The following ZDHHC24 variants were observed in gnomAD, a reference collection of about 807,000 sequenced individuals.
The protein encoded by ZDHHC24 is probable palmitoyltransferase ZDHHC24.
In ZDHHC24, 17 loss-of-function variants were observed where a neutral mutation model predicts 23.2. That is an observed-to-expected ratio of 0.73 (90% CI 0.50 to 1.10). The LOEUF is 1.10. ZDHHC24 is among the 50% of genes least tolerant of loss of function. ZDHHC24 has a pLI of 0.00. For missense variants in ZDHHC24, 366 were observed against 393.0 expected (o/e 0.93, Z 0.58); for synonymous variants, 186 against 194.5 (o/e 0.96, Z 0.36).
Position 66,543,751 on chromosome 11 carries a change from A to G in ZDHHC24, c.512T>C (p.Leu171Pro). The G allele has an allele frequency of 6.2e-7, 1 of 1,605,488 alleles. No individual in the cohort carries two copies. Among genetic ancestry groups the G allele is most frequent in the Non-Finnish European group, 8.5e-7 (1 of 1,176,162 alleles). Residue 171 changes from leucine to proline, a missense_variant, in exon 2 of 3, where the codon CTC becomes CCC. By Grantham distance (98) the Leu-to-Pro change is moderately conservative. Coordinates refer to ENST00000310442, the MANE Select transcript of ZDHHC24 (RefSeq NM_207340.3). Reference protein sequence around the residue: ...LSALLRAHTPLHMAALLLLPW... With the variant: ...LSALLRAHTPPHMAALLLLPW... ...AAGCAGGAGGAGGGCAGCCATGTGG[A>G]GGGGCGTGTGGGCTCGCAGCAGGGC...
At chr11:66,529,574 G>A in intron 2 of ZDHHC24, 3 of 697,110 alleles carry the variant, frequency 4.3e-6, no homozygotes, top group South Asian at 3.2e-5. Context: ...AGAGAAGCCA[G>A]TGAAGGAGCT....
chr11:66,532,601 C>T (rs1856832694), downstream of ZDHHC24: 2 of 155,706 alleles, frequency 1.3e-5, no homozygotes, highest in Admixed American at 6.2e-5. Flanking sequence ...AATAGCCCTC[C>T]TCTCCCCAGG....
chr11:66,531,867 C>G, downstream of ZDHHC24: 1 of 1,591,918 alleles, frequency 6.3e-7, no homozygotes, highest in East Asian at 2.3e-5. Context: ...CAGTGGAGCC[C>G]TGTGGCCTGT....
At chr11:66,534,348 C>G (rs909239432), downstream of ZDHHC24, among the ~76,000 whole-genome samples, 2 of 146,498 alleles carry the variant, frequency 1.4e-5, no homozygotes, top group African/African-American at 5.0e-5. Context: ...AAGGCTGAGG[C>G]AGGAGAATTG....
chr11:66,527,075 C>G (rs745970146), intron 3 of ZDHHC24: 1 of 1,494,058 alleles, frequency 6.7e-7, no homozygotes, highest in Non-Finnish European at 9.0e-7. Context: ...CAGGAATTCT[C>G]ATGAGGAAAG....
intron 4 of ZDHHC24, chr11:66,523,325 A>G: frequency 1.5e-6 from 2 of 1,307,384 alleles, no homozygotes; most frequent in Non-Finnish European, 2.2e-6. Context: ...AAGTGGAAAT[A>G]ATCCCAGGGT....
downstream of ZDHHC24, among the ~76,000 whole-genome samples, chr11:66,534,185 G>A (rs1390689661): frequency 5.4e-5 from 8 of 147,206 alleles, no homozygotes; most frequent in Middle Eastern, 7.1e-3. Flanking sequence ...TAGCTCACAC[G>A]TGTAATCCCA....
intron 3 of ZDHHC24, among the ~76,000 whole-genome samples, chr11:66,528,645 A>G (rs1422497302): frequency 1.3e-5 from 2 of 152,134 alleles, no homozygotes; most frequent in Non-Finnish European, 2.9e-5. Flanking sequence ...AAAACACACA[A>G]TCAGGACAAC....
At chr11:66,524,796 T>C (rs1424778155) in intron 4 of ZDHHC24, among the ~76,000 whole-genome samples, 1 of 152,020 alleles carries the variant, frequency 6.6e-6, no homozygotes, top group African/African-American at 2.4e-5. Context: ...GCCAGGCACA[T>C]TGGCTCACAC....
intron 2 of ZDHHC24, among the ~76,000 whole-genome samples, chr11:66,543,155 A>G (rs1005756930): frequency 2.0e-5 from 3 of 152,182 alleles, no homozygotes; most frequent in Admixed American, 6.5e-5. Context: ...GAAGAGGAAC[A>G]TATGTGTCGT....
intron 1 of ZDHHC24, among the ~76,000 whole-genome samples, chr11:66,544,746 G>A (rs1232009483): frequency 2.6e-5 from 4 of 152,222 alleles, no homozygotes; most frequent in East Asian, 1.9e-4. Flanking sequence ...ACAGAGTCTC[G>A]CTACATTACC....
chr11:66,545,751 C>T lies in ZDHHC24; in HGVS notation c.253G>A (p.Ala85Thr). The T allele has an allele frequency of 6.3e-7, 1 of 1,586,598 alleles. No homozygotes were observed. Among genetic ancestry groups the T allele is most frequent in the Non-Finnish European group, 8.5e-7 (1 of 1,171,890 alleles). ...CAGCCCTGGCCCAGACCGCGGCCGG[C>T]CAGCATCACGCCACGGATGCTGGGA... Reference protein sequence around the residue: ...SDPSIRGVMLAGRGLGQGWAY... With the variant: ...SDPSIRGVMLTGRGLGQGWAY... The change falls in exon 1 of 3, where the codon GCC becomes ACC. Residue 85 changes from alanine to threonine, a missense_variant. Physicochemically the swap from Ala to Thr is moderately conservative, Grantham distance 58. Transcript: ENST00000310442. This position sits in a 1 kb window ranked among gnomAD's most constrained non-coding sequence, Gnocchi z 4.5.
chr11:66,535,212 T>A (rs72923032), downstream of ZDHHC24, among the ~76,000 whole-genome samples: 2,995 of 151,808 alleles, frequency 0.02, 41 homozygotes, highest in South Asian at 0.031. Flanking sequence ...CTTTTGTTTT[T>A]GTTTTAGTTT....
intron 1 of ZDHHC24, among the ~76,000 whole-genome samples, chr11:66,544,727 T>A (rs912674874): frequency 3.3e-5 from 5 of 152,152 alleles, no homozygotes; most frequent in East Asian, 1.9e-4. Flanking sequence ...TTAAAAAAAA[T>A]TTTTAGGGAC....
At chr11:66,544,632 G>A (rs1247569210) in intron 1 of ZDHHC24, among the ~76,000 whole-genome samples, 1 of 151,932 alleles carries the variant, frequency 6.6e-6, no homozygotes, top group Non-Finnish European at 1.5e-5. Flanking sequence ...CGCCCCCCAC[G>A]CCCTCCAAGT....
downstream of ZDHHC24, chr11:66,531,603 GC>G (rs1772609259): frequency 2.5e-6 from 4 of 1,612,624 alleles, no homozygotes; most frequent in African/African-American, 5.3e-5. Context: ...ACTGGAATAT[GC>G]CAAACACTGG....
chr11:66,535,344 C>A (rs1315967888), downstream of ZDHHC24, among the ~76,000 whole-genome samples: 1 of 151,738 alleles, frequency 6.6e-6, no homozygotes, highest in South Asian at 2.1e-4. Flanking sequence ...CCCCATCCCC[C>A]ACACTACAGA....
intron 2 of ZDHHC24, chr11:66,542,545 G>A (rs1339102345): frequency 6.5e-6 from 1 of 153,508 alleles, no homozygotes; most frequent in Non-Finnish European, 1.5e-5. Flanking sequence ...GCAGCAGAAA[G>A]AGGAAGATGG....
At position 66,543,970 on chromosome 11, in the gene ZDHHC24, T is replaced by C. The variant is rs1459644519; in HGVS notation, c.293A>G (p.Gln98Arg). 1.9e-6 allele frequency: 3 copies of C among 1,613,238 alleles called. No individual in the cohort carries two copies. In the Admixed American group the frequency reaches 5.0e-5, roughly 27 times the overall value. ...GLGQGWAYCY[Q>R]CQSQVPPRSG... ...GCGTGGCGGCACCTGGCTTTGGCAT[T>C]GGTAGCAGTAACTGCAGGAAGGAAC... is the stretch of plus-strand genomic sequence containing the variant. The change falls in exon 2 of 3, where the codon CAA (glutamine) becomes CGA (arginine). Residue 98 changes from glutamine (Q) to arginine (R), a missense_variant. Transcript: ENST00000310442.
Sources: allele counts gnomAD v4.1 joint callset (sites outside exome capture counted in the v4.1 genomes callset), GRCh38; gene constraint gnomAD v4.1.1; non-coding constraint Gnocchi (gnomAD v3.1); transcripts MANE v1.5; gene names NCBI Gene and HGNC (gene_info 2026-07-23, HGNC 2026-07-21).